Variants in DOP1A observed in about 807,000 individuals in gnomAD.
DOP1A encodes the protein protein DOP1A.
A neutral mutation model predicts 267.6 loss-of-function variants in DOP1A; 90 were observed. That is an observed-to-expected ratio of 0.34 (90% CI 0.28 to 0.40). The LOEUF (loss-of-function observed/expected upper bound fraction) is 0.40. Ranked by LOEUF, DOP1A falls within the 10% of genes least tolerant of loss-of-function variation. The pLI is 1.00. For synonymous variants in DOP1A, 932 were observed against 999.1 expected (o/e 0.93, Z 1.27); for missense variants, 2,437 against 2,900.4 (o/e 0.84, Z 3.67).
chr6:83,168,856 T>C, downstream of DOP1A: 1 of 1,042,698 alleles, frequency 9.6e-7, no homozygotes, highest in Non-Finnish European at 1.2e-6. Flanking sequence ...TGGGGAATGC[T>C]GCAAAACATC....
chr6:83,128,247 C>T (rs1777497868), intron 15 of DOP1A, among the ~76,000 whole-genome samples: 3 of 152,164 alleles, frequency 2.0e-5, no homozygotes, highest in Non-Finnish European at 4.4e-5. Context: ...TTTATACTTA[C>T]TCTATCCTAT....
In DOP1A at chr6:83,125,175, A is replaced by G. The variant is rs774366071; in HGVS notation, c.1465A>G (p.Ser489Gly). The G allele has an allele frequency of 1.9e-6, 3 of 1,583,380 alleles. No individual in the cohort carries two copies. Among genetic ancestry groups the G allele is most frequent in the Non-Finnish European group, 2.6e-6 (3 of 1,171,608 alleles). Residue 489 changes from serine (S) to glycine (G), a missense_variant, in exon 14 of 39, where the codon AGT becomes GGT. Ser to Gly is a moderately conservative substitution (Grantham distance 56). Transcript: ENST00000349129. The part of the protein sequence containing the change: ...LLDIVSLPTR[S>G]MRVLCQETYI... The stretch of plus-strand genomic sequence containing the variant: ...CTTTCTCATTTTGAAGCCTACTAGA[A>G]GTATGAGGGTGCTGTGTCAGGTATG...
chr6:83,147,514 T>A (rs543821064), intron 26 of DOP1A, among the ~76,000 whole-genome samples: 18 of 152,206 alleles, frequency 1.2e-4, no homozygotes, highest in South Asian at 2.1e-4. Flanking sequence ...CTCGAAACTA[T>A]GCATATTGCC....
At chr6:83,074,654 A>G (rs1487225961) in intron 1 of DOP1A, among the ~76,000 whole-genome samples, 2 of 152,192 alleles carry the variant, frequency 1.3e-5, no homozygotes, top group Non-Finnish European at 1.5e-5. Flanking sequence ...TTTTTGCCTA[A>G]CTATAGGCTA....
At chr6:83,094,148 A>G (rs1302992319) in intron 1 of DOP1A, among the ~76,000 whole-genome samples, 1 of 152,120 alleles carries the variant, frequency 6.6e-6, no homozygotes, top group East Asian at 1.9e-4. Flanking sequence ...CTGTCATTTC[A>G]TATAAATGGA....
intron 12 of DOP1A, 56 bp from the exon 13 acceptor site, chr6:83,124,649 A>G: frequency 8.1e-7 from 1 of 1,233,590 alleles, no homozygotes; most frequent in Non-Finnish European, 1.2e-6. Context: ...TGATGCTGTC[A>G]CAGGTATTCA....
intron 1 of DOP1A, among the ~76,000 whole-genome samples, chr6:83,094,196 C>T (rs1373381892): frequency 6.6e-6 from 1 of 152,104 alleles, no homozygotes; most frequent in African/African-American, 2.4e-5. Context: ...TGGCTTCTTT[C>T]ACTTACAATG....
At chr6:83,166,670 G>A (rs1265283804) in intron 38 of DOP1A, 12 of 1,270,156 alleles carry the variant, frequency 9.4e-6, no homozygotes, top group African/African-American at 3.1e-5. Context: ...CCGCAATTAC[G>A]TTTGCACCAA....
chr6:83,158,243 T>C (rs1783303075), intron 35 of DOP1A, among the ~76,000 whole-genome samples: 2 of 152,102 alleles, frequency 1.3e-5, no homozygotes, highest in Non-Finnish European at 2.9e-5. Context: ...CCTTGTGATC[T>C]GCCCACCTCG....
chr6:83,132,768 T>G (rs886168078), intron 18 of DOP1A, among the ~76,000 whole-genome samples: 2 of 152,164 alleles, frequency 1.3e-5, no homozygotes, highest in Non-Finnish European at 2.9e-5. Context: ...ATTATTTGTA[T>G]TATTATACTG....
Position 83,148,184 on chromosome 6 carries a change from C to T in DOP1A, c.5733-575C>T, listed in dbSNP as rs187373030. 7.7e-3 allele frequency among the ~76,000 whole-genome samples: 1,165 copies of T among 152,090 alleles called. 15 individuals are homozygous for T. The highest frequency in any genetic ancestry group is 0.026 in the African/African-American group (1,063 of 41,474). ...ATCTCAGCACTTTGGGAGGCCGAGG[C>T]GGGCGGATCACGAACTCAGGAGATC... On this transcript the variant is annotated intron_variant, in intron 26 of 38. Coordinates refer to ENST00000349129, the MANE Select transcript of DOP1A (RefSeq NM_015018.4).
intron 38 of DOP1A, chr6:83,165,397 A>G (rs904801050): frequency 2.6e-5 from 4 of 152,856 alleles, no homozygotes; most frequent in Non-Finnish European, 5.8e-5. Flanking sequence ...GTTTGCTCCT[A>G]GACTCTTCCA....
In DOP1A at chr6:83,139,148, A is replaced by G; in HGVS notation, c.5106A>G (p.Gly1702=). ...TTCAGCAGTACAAATACGAAACAGG[A>G]TTATCTGATAGTAGGTAAGAGGTGA... is the stretch of plus-strand genomic sequence containing the variant. The part of the protein sequence containing the change: ...NLIQQYKYET[G]LSDSRPLWMA... The change falls in exon 21 of 39, where the codon GGA becomes GGG. Residue 1702 remains glycine, a synonymous_variant. Coordinates refer to ENST00000349129, the MANE Select transcript of DOP1A (RefSeq NM_015018.4). The G allele has an allele frequency of 6.2e-7, 1 of 1,611,356 alleles. No homozygotes were observed. The highest frequency in any genetic ancestry group is 2.2e-5 in the East Asian group (1 of 44,838).
intron 5 of DOP1A, among the ~76,000 whole-genome samples, chr6:83,109,561 A>G (rs997452237): frequency 2.6e-5 from 4 of 152,180 alleles, no homozygotes; most frequent in Non-Finnish European, 2.9e-5. Flanking sequence ...ACAATTTTTA[A>G]GTTGCTAATG....
At chr6:83,156,421 A>G (rs1782806117) in intron 34 of DOP1A, among the ~76,000 whole-genome samples, 1 of 152,218 alleles carries the variant, frequency 6.6e-6, no homozygotes, top group Non-Finnish European at 1.5e-5. Flanking sequence ...GTGGACAAGA[A>G]TTTGTGTACT....
At chr6:83,160,358 G>A (rs753756883) in intron 37 of DOP1A, among the ~76,000 whole-genome samples, 3 of 152,234 alleles carry the variant, frequency 2.0e-5, no homozygotes, top group Non-Finnish European at 4.4e-5. Flanking sequence ...TGACAGCTGG[G>A]AGAGTGAAGA....
chr6:83,132,020 T>C (rs1307427743), intron 17 of DOP1A, among the ~76,000 whole-genome samples, 156 bp from the exon 18 acceptor site: 1 of 152,210 alleles, frequency 6.6e-6, no homozygotes, highest in Non-Finnish European at 1.5e-5. Flanking sequence ...GGTAGGTACA[T>C]GGAAGACTGC....
chr6:83,083,999 T>A (rs953984159), intron 1 of DOP1A, among the ~76,000 whole-genome samples: 3 of 152,226 alleles, frequency 2.0e-5, no homozygotes, highest in Admixed American at 6.5e-5. Flanking sequence ...TATATTTACT[T>A]GGTAAAAAAA....
intron 24 of DOP1A, among the ~76,000 whole-genome samples, chr6:83,143,040 G>A (rs1779906571): frequency 6.6e-6 from 1 of 152,054 alleles, no homozygotes; most frequent in Non-Finnish European, 1.5e-5. Flanking sequence ...TATTTTGCAT[G>A]TGAAGATTCA....
Sources: allele counts gnomAD v4.1 joint callset (sites outside exome capture counted in the v4.1 genomes callset), GRCh38; gene constraint gnomAD v4.1.1; transcripts MANE v1.5; gene names NCBI Gene and HGNC (gene_info 2026-07-23, HGNC 2026-07-21).